The following ST6GAL2 variants were observed in gnomAD, a reference collection of about 807,000 sequenced individuals.
ST6GAL2 encodes beta-galactoside alpha-2,6-sialyltransferase 2.
In ST6GAL2, 24 loss-of-function variants were observed where a neutral mutation model predicts 37.5. The observed-to-expected ratio is 0.64, with a 90% CI of 0.46 to 0.90. The LOEUF is 0.90. ST6GAL2 is among the 40% of genes least tolerant of loss of function. The probability of loss-of-function intolerance (pLI) is 0.00; values close to 1 mark genes in which losing one functional copy is unlikely to be tolerated. For synonymous variants in ST6GAL2, 306 were observed against 295.1 expected (o/e 1.04, Z -0.38); for missense variants, 715 against 712.7 (o/e 1.00, Z -0.04).
At chr2:106,857,620 A>C (rs1430439304) in intron 1 of ST6GAL2, among the ~76,000 whole-genome samples, 7 of 152,300 alleles carry the variant, frequency 4.6e-5, no homozygotes, top group East Asian at 1.9e-4. Context: ...AAAACAAAAC[A>C]AAACCAAAAA....
At chr2:106,862,338 A>G (rs937921934) in intron 1 of ST6GAL2, among the ~76,000 whole-genome samples, 1 of 152,214 alleles carries the variant, frequency 6.6e-6, no homozygotes, top group African/African-American at 2.4e-5. Flanking sequence ...GACTTAACAC[A>G]GCATTAACTA....
At chr2:106,819,909 T>C (rs1399330352) in intron 5 of ST6GAL2, among the ~76,000 whole-genome samples, 1 of 152,014 alleles carries the variant, frequency 6.6e-6, no homozygotes, top group Admixed American at 6.6e-5. Flanking sequence ...TGGTTTAAAA[T>C]AATGAATTGA....
Position 106,830,114 on chromosome 2 carries a change from T to G in ST6GAL2, c.1270A>C (p.Asn424His). ...TTTGGTTGAATCTTCTCTTTAGTGT[T>G]CTCCTGGATAATATCCCAGAGCTGC... ...IWQLWDIIQE[N>H]TKEKIQPNPP... The change falls in exon 5 of 6, where the codon AAC becomes CAC. Residue 424 changes from asparagine to histidine, a missense_variant. This residue lies in a region of ST6GAL2 where 198 missense variants were observed against 203.6 expected (regional missense o/e 0.97). Transcript: ENST00000409382. 1 of 1,614,110 alleles carries G rather than the reference T, an allele frequency of 6.2e-7. No homozygotes were observed. The highest frequency in any genetic ancestry group is 8.5e-7 in the Non-Finnish European group (1 of 1,180,018).
At chr2:106,815,764 G>C (rs1342319253) in intron 5 of ST6GAL2, among the ~76,000 whole-genome samples, 1 of 152,140 alleles carries the variant, frequency 6.6e-6, no homozygotes, top group Non-Finnish European at 1.5e-5. Context: ...TCAGTGGTAG[G>C]GCCAAGACTT....
At chr2:106,844,580 T>A (rs1238271581) in intron 1 of ST6GAL2, among the ~76,000 whole-genome samples, 1 of 152,164 alleles carries the variant, frequency 6.6e-6, no homozygotes, top group Non-Finnish European at 1.5e-5. Context: ...GAAGGCTGCC[T>A]AGAACATACC....
At chr2:106,828,003 G>C (rs6543447) in intron 5 of ST6GAL2, among the ~76,000 whole-genome samples, 1 of 152,188 alleles carries the variant, frequency 6.6e-6, no homozygotes, top group East Asian at 1.9e-4. Context: ...CCCTTCTTCA[G>C]GTCAAAGAAG....
intron 1 of ST6GAL2, among the ~76,000 whole-genome samples, chr2:106,877,966 C>T (rs1431988868): frequency 6.6e-6 from 1 of 152,224 alleles, no homozygotes; most frequent in East Asian, 1.9e-4. Context: ...TGGTGCCTGG[C>T]TGGAGGTTGT....
In ST6GAL2 at chr2:106,843,517, C is replaced by T. The variant is rs1465277097; in HGVS notation, c.461G>A (p.Gly154Glu). 1 of 1,614,078 alleles carries T rather than the reference C, an allele frequency of 6.2e-7. No homozygotes were observed. The highest frequency in any genetic ancestry group is 8.5e-7 in the Non-Finnish European group (1 of 1,180,036). ...AGCCCCCTCCCGTGGGCCTGGCTCC[C>T]CGGGGGAAGGGAATCCCAATGTCCC... ...TQGTLGFPSP[G>E]EPGPREGAFP... Residue 154 changes from glycine (G) to glutamate (E), a missense_variant, in exon 2 of 6, where the codon GGG becomes GAG. This residue lies in a region of ST6GAL2 where 512 missense variants were observed against 488.8 expected (regional missense o/e 1.05). Coordinates refer to ENST00000409382, the MANE Select transcript of ST6GAL2 (RefSeq NM_001142351.2).
Position 106,838,941 on chromosome 2 carries a change from C to T in ST6GAL2, c.943+4094G>A, listed in dbSNP as rs558312820. On this transcript the variant is annotated intron_variant, in intron 2 of 5. Transcript: ENST00000409382. ...ATCCCAGCTACTCGGGAGGCTGACG[C>T]AGGAGAATAGCTTGAGCCTGGGAAG... 9.2e-5 allele frequency among the ~76,000 whole-genome samples: 14 copies of T among 152,130 alleles called. No individual in the cohort carries two copies. The East Asian group carries it at 2.7e-3, about 30-fold the overall frequency.
chr2:106,862,643 T>TGTC (rs1222600202), intron 1 of ST6GAL2, among the ~76,000 whole-genome samples: 1 of 152,148 alleles, frequency 6.6e-6, no homozygotes, highest in African/African-American at 2.4e-5. Flanking sequence ...AAAGCATTTC[T>TGTC]GTCTTGGTTG....
At chr2:106,862,944 T>A (rs7568023) in intron 1 of ST6GAL2, among the ~76,000 whole-genome samples, 140,165 of 152,152 alleles carry the variant, frequency 0.92, 64,657 homozygotes, top group East Asian at 0.98. Context: ...AAATAAATGA[T>A]TACAATAATA....
In ST6GAL2 at chr2:106,843,351, C is replaced by G. The variant is rs757152539; in HGVS notation, c.627G>C (p.Lys209Asn). 1 of 1,614,132 alleles carries G rather than the reference C, an allele frequency of 6.2e-7. No individual in the cohort carries two copies. Among genetic ancestry groups the G allele is most frequent in the South Asian group, 1.1e-5 (1 of 91,088 alleles). ...MSRAFLYRLW[K>N]GNVSSKMLNP... is the part of the protein sequence containing the mutation. ...TCAGCATTTTGGAAGAGACGTTCCC[C>G]TTCCAGAGCCGGTACAGGAAGGCCC... Residue 209 changes from lysine to asparagine, a missense_variant, in exon 2 of 6, where the codon AAG becomes AAC. Transcript: ENST00000409382.
chr2:106,859,871 T>C (rs900220987), intron 1 of ST6GAL2, among the ~76,000 whole-genome samples: 3 of 150,688 alleles, frequency 2.0e-5, no homozygotes, highest in African/African-American at 7.3e-5. Context: ...TTCTTCCTTA[T>C]ACTTCAAATT....
At chr2:106,819,590 T>C (rs1675925463) in intron 5 of ST6GAL2, among the ~76,000 whole-genome samples, 1 of 152,016 alleles carries the variant, frequency 6.6e-6, no homozygotes, top group Admixed American at 6.6e-5. Context: ...CAAAACTAGA[T>C]ATATCCAACA....
intron 5 of ST6GAL2, chr2:106,813,114 GTT>G (rs373534739): frequency 2.1e-3 from 2,388 of 1,126,938 alleles, no homozygotes; most frequent in Middle Eastern, 3.4e-3. Flanking sequence ...TATATGGCCA[GTT>G]TTTTTTTTTT....
intron 5 of ST6GAL2, among the ~76,000 whole-genome samples, chr2:106,816,983 G>C (rs993225174): frequency 6.6e-6 from 1 of 152,176 alleles, no homozygotes; most frequent in South Asian, 2.1e-4. Flanking sequence ...AAGCAACACC[G>C]GGCAGAACTC....
chr2:106,863,637 C>T (rs1361602767), intron 1 of ST6GAL2, among the ~76,000 whole-genome samples: 5 of 152,102 alleles, frequency 3.3e-5, no homozygotes, highest in African/African-American at 4.8e-5. Flanking sequence ...CTGAGAAATC[C>T]GGGTCCTCCG....
At chr2:106,875,847 C>A (rs1458103800) in intron 1 of ST6GAL2, among the ~76,000 whole-genome samples, 1 of 152,188 alleles carries the variant, frequency 6.6e-6, no homozygotes, top group Non-Finnish European at 1.5e-5. Context: ...CTAGAAACAA[C>A]AGAGATTCCT....
intron 1 of ST6GAL2, among the ~76,000 whole-genome samples, chr2:106,869,199 G>A (rs1234714638): frequency 1.3e-5 from 2 of 152,152 alleles, no homozygotes; most frequent in Non-Finnish European, 2.9e-5. Flanking sequence ...AGGCCTGGAA[G>A]GGAGCTGCAG....
Sources: allele counts gnomAD v4.1 joint callset (sites outside exome capture counted in the v4.1 genomes callset), GRCh38; gene constraint gnomAD v4.1.1; regional missense constraint gnomAD v4.1.1; transcripts MANE v1.5; gene names NCBI Gene and HGNC (gene_info 2026-07-23, HGNC 2026-07-21).